Variants in COL28A1 observed in about 807,000 individuals in gnomAD.
The protein encoded by COL28A1 is collagen type XXVIII alpha 1 chain, also known as collagen alpha-1(XXVIII) chain.
Under a neutral mutation model 150.2 loss-of-function variants are expected in COL28A1, and 161 were observed. The ratio of observed to expected loss-of-function variants is 1.07; its 90% CI spans 0.94 to 1.22. The LOEUF is 1.22. Among genes scored for constraint, COL28A1 ranks in the 50% most tolerant of loss-of-function variants. The probability of loss-of-function intolerance (pLI) is 0.00; values close to 1 mark genes in which losing one functional copy is unlikely to be tolerated. For synonymous variants in COL28A1, 552 were observed against 469.7 expected (o/e 1.18, Z -2.26); for missense variants, 1,617 against 1,388.3 (o/e 1.16, Z -2.62).
chr7:7,368,389 G>GTTTTTTTTTGTTTGTT, intron 33 of COL28A1, among the ~76,000 whole-genome samples: 1 of 150,216 alleles, frequency 6.7e-6, no homozygotes, highest in African/African-American at 2.5e-5. Flanking sequence ...TTTGCCTACT[G>GTTTTTTTTTGTTTGTT]TTTTTTTTGT....
In COL28A1 at chr7:7,474,589, A is replaced by T; in HGVS notation, c.1302+12T>A. The T allele has an allele frequency of 9.6e-7, 1 of 1,040,972 alleles. No individual in the cohort carries two copies. Among genetic ancestry groups the T allele is most frequent in the Non-Finnish European group, 1.5e-6 (1 of 657,140 alleles). The allele number at this position is 1,040,972 out of a possible 1,614,324, so 64.5% of individuals were successfully genotyped here. A position where few individuals can be genotyped will look rare whatever the true frequency, so the allele number is the denominator to read the frequency against. On this transcript the variant is annotated intron_variant, in intron 15 of 34. Transcript: ENST00000399429. ...TGGCATTGTTTCCAGTGTACACCCTATTATACAGTACCTTCTCCCCTTTGA... is the reference window on the plus strand; with the variant it reads ...TGGCATTGTTTCCAGTGTACACCCTTTTATACAGTACCTTCTCCCCTTTGA...
chr7:7,423,016 C>A (rs1211320486), intron 25 of COL28A1, among the ~76,000 whole-genome samples: 3 of 152,144 alleles, frequency 2.0e-5, no homozygotes. Context: ...TCCAAACAAA[C>A]CAATTGCAGC....
chr7:7,523,755 ATCATCAGGCTGCC>A (rs1463065489), intron 4 of COL28A1, among the ~76,000 whole-genome samples: 1 of 152,178 alleles, frequency 6.6e-6, no homozygotes, highest in Non-Finnish European at 1.5e-5. Flanking sequence ...TCTGGTTGCC[ATCATCAGGCTGCC>A]TTTTCTTCAC....
chr7:7,496,435 C>A (rs1377368879), intron 11 of COL28A1, among the ~76,000 whole-genome samples: 4 of 152,202 alleles, frequency 2.6e-5, no homozygotes, highest in Non-Finnish European at 5.9e-5. Flanking sequence ...TGCTCCTCTG[C>A]AGTTCCCTGT....
chr7:7,371,412 C>A (rs1781217439), intron 32 of COL28A1, among the ~76,000 whole-genome samples: 2 of 152,152 alleles, frequency 1.3e-5, no homozygotes, highest in African/African-American at 4.8e-5. Flanking sequence ...GAAGTAGAAC[C>A]CTAGGTTAGA....
intron 11 of COL28A1, among the ~76,000 whole-genome samples, chr7:7,504,481 C>A (rs183103168): frequency 6.6e-6 from 1 of 152,064 alleles, no homozygotes; most frequent in African/African-American, 2.4e-5. Context: ...GCTGGGGGAA[C>A]AGAGCAACAT....
At chr7:7,506,713 T>G (rs1378947226) in intron 10 of COL28A1, among the ~76,000 whole-genome samples, 1 of 152,336 alleles carries the variant, frequency 6.6e-6, no homozygotes, top group East Asian at 1.9e-4. Flanking sequence ...TATCTAGTTA[T>G]AGAACAATAA....
chr7:7,520,392 A>T (rs1583559785), intron 5 of COL28A1, among the ~76,000 whole-genome samples: 2 of 152,334 alleles, frequency 1.3e-5, no homozygotes, highest in African/African-American at 4.8e-5. Context: ...CAGTTTTGCA[A>T]ACAAAATCAA....
At chr7:7,352,956 T>TC (rs1780264723), downstream of COL28A1, among the ~76,000 whole-genome samples, 1 of 152,110 alleles carries the variant, frequency 6.6e-6, no homozygotes, top group Non-Finnish European at 1.5e-5. Flanking sequence ...TCTCGGGACC[T>TC]CCCCAAATTC....
intron 13 of COL28A1, among the ~76,000 whole-genome samples, chr7:7,483,627 A>G (rs1196566680): frequency 6.6e-6 from 1 of 152,214 alleles, no homozygotes; most frequent in Non-Finnish European, 1.5e-5. Context: ...ATTCACAATT[A>G]AAGCCCAGCT....
At chr7:7,472,735 G>A (rs1354832823) in intron 15 of COL28A1, among the ~76,000 whole-genome samples, 1 of 152,144 alleles carries the variant, frequency 6.6e-6, no homozygotes, top group South Asian at 2.1e-4. Context: ...TAAGCAAAAA[G>A]AACAAATCTG....
Position 7,477,129 on chromosome 7 carries a change from C to T in COL28A1, c.1216G>A (p.Gly406Arg). 1 of 1,318,074 alleles carries T rather than the reference C, an allele frequency of 7.6e-7. No individual in the cohort carries two copies. 81.6% of individuals were successfully genotyped at this position (1,318,074 alleles called of 1,614,324 possible). A position where few individuals can be genotyped will look rare whatever the true frequency, so the allele number is the denominator to read the frequency against. ...VPGERGLPGE[G>R]FPGPKGEKGS... ...ATTGTTACCTTTGGTCCTGGAAATC[C>T]TTCTCCGGGTAAGCCCCTCTCTCCT... Residue 406 changes from glycine (G) to arginine (R), a missense_variant, in exon 14 of 35, where the codon GGA becomes AGA. By Grantham distance (125) the Gly-to-Arg change is moderately radical. Transcript: ENST00000399429.
At chr7:7,407,510 T>C (rs1287404076) in intron 27 of COL28A1, among the ~76,000 whole-genome samples, 1 of 152,060 alleles carries the variant, frequency 6.6e-6, no homozygotes, top group Non-Finnish European at 1.5e-5. Context: ...AGAGCGATAA[T>C]GGAGACTAAA....
chr7:7,351,061 C>A, the COL28A1 span, among the ~76,000 whole-genome samples: 1 of 152,012 alleles, frequency 6.6e-6, no homozygotes, highest in Non-Finnish European at 1.5e-5. Flanking sequence ...TGTTCTACTG[C>A]CAAACTAGAG....
At chr7:7,384,004 C>T (rs1208134238) in intron 27 of COL28A1, among the ~76,000 whole-genome samples, 2 of 152,060 alleles carry the variant, frequency 1.3e-5, no homozygotes, top group Non-Finnish European at 2.9e-5. Context: ...CATCCCTAAC[C>T]TCTCACGGCA....
At chr7:7,445,742 T>C (rs914797362) in intron 18 of COL28A1, among the ~76,000 whole-genome samples, 1 of 150,768 alleles carries the variant, frequency 6.6e-6, no homozygotes, top group Admixed American at 6.6e-5. Flanking sequence ...TCAACTAACC[T>C]AAACAAGCCA....
intron 11 of COL28A1, among the ~76,000 whole-genome samples, chr7:7,496,456 G>C (rs1326795712): frequency 6.6e-6 from 1 of 152,108 alleles, no homozygotes; most frequent in Non-Finnish European, 1.5e-5. Flanking sequence ...GGTTCACTTA[G>C]GTTTTCAACT....
chr7:7,537,716 G>C (rs943347175), upstream of COL28A1, among the ~76,000 whole-genome samples: 7 of 152,178 alleles, frequency 4.6e-5, no homozygotes, highest in Non-Finnish European at 1.0e-4. Context: ...AGTTTTGTGA[G>C]GCTTTGGTAA....
chr7:7,478,371 G>C (rs185995119), intron 13 of COL28A1, among the ~76,000 whole-genome samples: 1 of 152,294 alleles, frequency 6.6e-6, no homozygotes, highest in Admixed American at 6.5e-5. Context: ...TGATTGGTGT[G>C]TTTACAAACC....
Sources: gnomAD v4.1 joint callset for allele counts (sites outside exome capture counted in the v4.1 genomes callset) on GRCh38, gnomAD v4.1.1 for gene constraint, MANE v1.5 for transcripts, NCBI Gene and HGNC (gene_info 2026-07-23, HGNC 2026-07-21) for gene names.